The following ROBO2 variants were observed in gnomAD, a reference collection of about 807,000 sequenced individuals.
ROBO2 encodes roundabout homolog 2.
ROBO2 carries 53 observed loss-of-function variants against 160.8 expected under a neutral mutation model. The observed-to-expected ratio is 0.33, with a 90% CI of 0.26 to 0.41. The LOEUF (loss-of-function observed/expected upper bound fraction) is 0.41. Ranked by LOEUF, ROBO2 falls within the 10% of genes least tolerant of loss-of-function variation. The pLI is 1.00. For missense variants in ROBO2, 1,577 were observed against 1,722.4 expected (o/e 0.92, Z 1.49); for synonymous variants, 664 against 611.7 (o/e 1.09, Z -1.26).
At chr3:76,748,061 G>C (rs2093921962) in intron 2 of ROBO2, among the ~76,000 whole-genome samples, 1 of 151,940 alleles carries the variant, frequency 6.6e-6, no homozygotes, top group Non-Finnish European at 1.5e-5. Context: ...TACACAGGTT[G>C]CTAAGGGGAC....
chr3:77,122,815 C>G (rs2074912074), intron 2 of ROBO2, among the ~76,000 whole-genome samples: 1 of 152,200 alleles, frequency 6.6e-6, no homozygotes, highest in South Asian at 2.1e-4. Flanking sequence ...TGTCGACAAG[C>G]CATCTCTGAT....
At chr3:77,195,396 G>A (rs966581614) in intron 2 of ROBO2, among the ~76,000 whole-genome samples, 1 of 151,988 alleles carries the variant, frequency 6.6e-6, no homozygotes, top group Non-Finnish European at 1.5e-5. Context: ...ATTTAAGTTA[G>A]GTTTATATAG....
At chr3:75,928,184 C>T (rs1947367396) in intron 1 of ROBO2, among the ~76,000 whole-genome samples, 2 of 151,680 alleles carry the variant, frequency 1.3e-5, no homozygotes, top group Non-Finnish European at 2.9e-5. Context: ...CAGGGTTTCA[C>T]CGTGTTAGCC....
intron 4 of ROBO2, among the ~76,000 whole-genome samples, chr3:77,490,646 C>T (rs749547961): frequency 2.6e-5 from 4 of 152,132 alleles, no homozygotes; most frequent in Non-Finnish European, 5.9e-5. Context: ...TCATTTTTCT[C>T]ATTCTTACCA....
intron 2 of ROBO2, among the ~76,000 whole-genome samples, chr3:77,170,789 T>C (rs547251028): frequency 6.6e-6 from 1 of 152,130 alleles, no homozygotes; most frequent in African/African-American, 2.4e-5. Context: ...ACATTAAAAA[T>C]AAAATAATCG....
At chr3:77,231,539 A>C (rs541955312) in intron 2 of ROBO2, among the ~76,000 whole-genome samples, 1 of 152,076 alleles carries the variant, frequency 6.6e-6, no homozygotes, top group South Asian at 2.1e-4. Flanking sequence ...AGTTTTTAAA[A>C]CCTCACCTCC....
intron 2 of ROBO2, among the ~76,000 whole-genome samples, chr3:77,201,618 A>G (rs1317367638): frequency 2.6e-5 from 4 of 152,214 alleles, no homozygotes; most frequent in Non-Finnish European, 5.9e-5. Flanking sequence ...ACATAAAAGT[A>G]TGTTGGTCTG....
At chr3:77,540,723 G>C (rs9868659) in intron 6 of ROBO2, among the ~76,000 whole-genome samples, 13,682 of 152,152 alleles carry the variant, frequency 0.09, 1,337 homozygotes, top group African/African-American at 0.25. Context: ...ACATGCACAG[G>C]GGAACTTAAT....
intron 2 of ROBO2, among the ~76,000 whole-genome samples, chr3:76,633,333 G>C (rs2090140307): frequency 6.6e-6 from 1 of 152,170 alleles, no homozygotes; most frequent in Non-Finnish European, 1.5e-5. Flanking sequence ...GCCATAGCTG[G>C]TAGCTGCAGA....
intron 2 of ROBO2, among the ~76,000 whole-genome samples, chr3:76,455,032 T>G (rs3849495): frequency 0.22 from 33,471 of 151,962 alleles, 3,992 homozygotes; most frequent in Admixed American, 0.31. Context: ...CTAGGTAAAA[T>G]AAAGTTAAAA....
At chr3:76,581,099 ACTGTC>A (rs2085674506) in intron 2 of ROBO2, among the ~76,000 whole-genome samples, 2 of 152,210 alleles carry the variant, frequency 1.3e-5, no homozygotes, top group Non-Finnish European at 2.9e-5. Context: ...ATTTGTATGT[ACTGTC>A]CTGAGGTATT....
chr3:77,384,948 A>G (rs375943876), intron 2 of ROBO2, among the ~76,000 whole-genome samples: 1 of 152,136 alleles, frequency 6.6e-6, no homozygotes, highest in Non-Finnish European at 1.5e-5. Flanking sequence ...AGGCAGTGCA[A>G]TCTCTGCAAA....
At chr3:77,499,124 C>G (rs1030715417) in intron 5 of ROBO2, among the ~76,000 whole-genome samples, 2 of 152,182 alleles carry the variant, frequency 1.3e-5, no homozygotes, top group Admixed American at 6.5e-5. Flanking sequence ...CAATAACATA[C>G]AAATATTTAG....
At chr3:77,379,164 T>C (rs2073105551) in intron 2 of ROBO2, among the ~76,000 whole-genome samples, 1 of 152,172 alleles carries the variant, frequency 6.6e-6, no homozygotes, top group Admixed American at 6.5e-5. Context: ...GTCAGGTTTG[T>C]CTCGAACTCC....
At chr3:76,398,895 A>T (rs1390509748) in intron 2 of ROBO2, among the ~76,000 whole-genome samples, 1 of 151,834 alleles carries the variant, frequency 6.6e-6, no homozygotes, top group East Asian at 1.9e-4. Context: ...AAGAAGGTAC[A>T]TATTTGATGG....
chr3:77,546,517 C>T lies in ROBO2; in HGVS notation c.1059+55C>T. 6.2e-6 allele frequency: 10 copies of T among 1,604,712 alleles called. No individual in the cohort carries two copies. The South Asian group carries it at 8.8e-5, about 14-fold the overall frequency. On this transcript the variant is annotated intron_variant, in intron 7 of 25. Transcript: ENST00000461745. The stretch of plus-strand genomic sequence containing the variant: ...AATCTCTGAACTTCTACTGTCTCTG[C>T]TGCTCCTGAAAGCTTGCCTTGCTTC...
chr3:77,645,975 G>T, intron 25 of ROBO2, 79 bp from the exon 28 acceptor site: 1 of 981,236 alleles, frequency 1.0e-6, no homozygotes, highest in Non-Finnish European at 1.5e-6. Context: ...TTATCTGTTG[G>T]CTTTGCTTTT....
chr3:77,391,864 G>A (rs1278123865), intron 2 of ROBO2, among the ~76,000 whole-genome samples: 1 of 152,014 alleles, frequency 6.6e-6, no homozygotes, highest in South Asian at 2.1e-4. Flanking sequence ...CTGGCCGAAA[G>A]CATTCTTTTT....
intron 2 of ROBO2, among the ~76,000 whole-genome samples, chr3:75,980,311 A>C (rs1250849105): frequency 6.6e-6 from 1 of 151,574 alleles, no homozygotes; most frequent in African/African-American, 2.4e-5. Flanking sequence ...AAAACACTTC[A>C]GCGTCTTTAG....
Sources: gnomAD v4.1 joint callset for allele counts (sites outside exome capture counted in the v4.1 genomes callset) on GRCh38, gnomAD v4.1.1 for gene constraint, MANE v1.5 for transcripts, NCBI Gene and HGNC (gene_info 2026-07-23, HGNC 2026-07-21) for gene names.